Variants in AIF1L observed in about 807,000 individuals in gnomAD.
The protein encoded by AIF1L is allograft inflammatory factor 1-like.
AIF1L carries 12 observed loss-of-function variants against 20.7 expected under a neutral mutation model. That is an observed-to-expected ratio of 0.58 (90% CI 0.37 to 0.94). The LOEUF is 0.94. Ranked by LOEUF, AIF1L falls within the 40% of genes least tolerant of loss-of-function variation. The probability of loss-of-function intolerance (pLI) is 0.01; values close to 1 mark genes in which losing one functional copy is unlikely to be tolerated. For synonymous variants in AIF1L, 76 were observed against 65.1 expected, an observed-to-expected ratio of 1.17 and a Z score of -0.81; for missense variants, 173 against 185.3, an observed-to-expected ratio of 0.93 and a Z score of 0.39.
chr9:131,111,684 C>G, intron 3 of AIF1L, 21 bp downstream of exon 3: 1 of 1,611,632 alleles, frequency 6.2e-7, no homozygotes, highest in Non-Finnish European at 8.5e-7. Context: ...GCGGGCTGCC[C>G]TGCATTTATT....
At position 131,096,617 on chromosome 9, in the gene AIF1L, C is replaced by A; in HGVS notation, c.-13C>A. 1 of 1,484,420 alleles carries A rather than the reference C, an allele frequency of 6.7e-7. No homozygotes were observed. The allele number at this position is 1,484,420 out of a possible 1,614,324, so 92.0% of individuals were successfully genotyped here. The stretch of plus-strand genomic sequence containing the variant: ...CCGCGAAGCCTGGAGCCGGCGGGAG[C>A]CCCGCGCTCGCCATGTCGGGCGAGC... On this transcript the variant is annotated 5_prime_UTR_variant, in exon 1 of 6. Coordinates refer to ENST00000247291, the MANE Select transcript of AIF1L (RefSeq NM_031426.4).
At chr9:131,107,295 T>TCTTCATCC (rs1830775631) in intron 2 of AIF1L, among the ~76,000 whole-genome samples, 5 of 152,292 alleles carry the variant, frequency 3.3e-5, no homozygotes, top group African/African-American at 4.8e-5. Context: ...GCCTGGTTGG[T>TCTTCATCC]CTGTGTCTGT....
chr9:131,105,638 C>A (rs1178411026), intron 2 of AIF1L, among the ~76,000 whole-genome samples: 2 of 152,178 alleles, frequency 1.3e-5, no homozygotes, highest in Non-Finnish European at 2.9e-5. Context: ...AACCACCACA[C>A]TGGGCTGCAT....
chr9:131,101,359 T>G (rs543531488), intron 2 of AIF1L, among the ~76,000 whole-genome samples: 1 of 152,142 alleles, frequency 6.6e-6, no homozygotes, highest in South Asian at 2.1e-4. Flanking sequence ...TGACTCCTTT[T>G]TTTTTGAGAC....
rs33962374 is a variant in AIF1L at position 131,111,173 on chromosome 9, TAAAAAAAAA to T, written c.94-414_94-406del. The stretch of plus-strand genomic sequence containing the variant: ...CCTGGGGGACAAGAGCAAGACTTCT[TAAAAAAAAA>T]AAAAAAAAAGTGCACGGAGGAATGA... On this transcript the variant is annotated intron_variant, in intron 2 of 5. Coordinates refer to ENST00000247291, the MANE Select transcript of AIF1L (RefSeq NM_031426.4). 6.5e-5 allele frequency among the ~76,000 whole-genome samples: 9 copies of T among 138,028 alleles called. No homozygotes were observed. In the South Asian group the frequency reaches 2.1e-3, roughly 32 times the overall value. 90.6% of individuals were successfully genotyped at this position (138,028 alleles called of 152,430 possible). A position where few individuals can be genotyped will look rare whatever the true frequency, so the allele number is the denominator to read the frequency against.
At chr9:131,113,994 G>C (rs1588110969) in intron 3 of AIF1L, 1 of 156,978 alleles carries the variant, frequency 6.4e-6, no homozygotes, top group Non-Finnish European at 1.4e-5. Context: ...TGGACTCCTT[G>C]ATCAGGGAAG....
chr9:131,096,767 C>A (rs1830537560), intron 1 of AIF1L, 35 bp from the exon 2 acceptor site: 1 of 1,513,494 alleles, frequency 6.6e-7, no homozygotes. Context: ...CCGAAGAGGA[C>A]CCCGCTTCCC....
intron 3 of AIF1L, chr9:131,112,477 C>G (rs1441706572): frequency 6.6e-6 from 1 of 152,240 alleles, no homozygotes; most frequent in Admixed American, 6.5e-5. Flanking sequence ...TTAATAACAG[C>G]TGGCATTTGT....
rs749585358 is a variant in AIF1L at position 131,120,337 on chromosome 9, C to A, written c.*15C>A. ...GCCTGCCCTGAGGACCCCGCCTGGA[C>A]TCCCCAGCCTTCCCACCCCATACCT... On this transcript the variant is annotated 3_prime_UTR_variant, in exon 6 of 6. Coordinates refer to ENST00000247291, the MANE Select transcript of AIF1L (RefSeq NM_031426.4). 4 of 1,596,200 alleles carry A rather than the reference C, an allele frequency of 2.5e-6. No homozygotes were observed. The East Asian group carries it at 9.0e-5, about 36-fold the overall frequency.
chr9:131,114,416 T>C lies in AIF1L; in HGVS notation c.161-161T>C, dbSNP rs1830962141. The C allele has an allele frequency of 6.9e-6, 5 of 727,194 alleles. No individual in the cohort carries two copies. The South Asian group carries it at 7.9e-5, about 12-fold the overall frequency. The allele number at this position is 727,194 out of a possible 1,614,324, so 45.0% of individuals were successfully genotyped here. On this transcript the variant is annotated intron_variant, in intron 3 of 5. Coordinates refer to ENST00000247291, the MANE Select transcript of AIF1L (RefSeq NM_031426.4). ...GGATGAGCTCTTTCCCCAGAGGCCA[T>C]GGCTCAGCGGATGGGGGACTCAGGT...
At chr9:131,098,041 G>A (rs1830562371) in intron 2 of AIF1L, 1 of 152,628 alleles carries the variant, frequency 6.6e-6, no homozygotes, top group Non-Finnish European at 1.5e-5. Context: ...CCGCTGGTGA[G>A]GTCAGCAGAG....
rs1365160732 is a variant in AIF1L at position 131,096,658 on chromosome 9, A to G, written c.29A>G (p.Gln10Arg). 1.3e-6 allele frequency: 2 copies of G among 1,481,566 alleles called. No individual in the cohort carries two copies. The highest frequency in any genetic ancestry group is 8.9e-7 in the Non-Finnish European group (1 of 1,123,840). The allele number at this position is 1,481,566 out of a possible 1,614,324, so 91.8% of individuals were successfully genotyped here. A position where few individuals can be genotyped will look rare whatever the true frequency, so the allele number is the denominator to read the frequency against. Residue 10 changes from glutamine (Q) to arginine (R), a missense_variant and splice_region_variant, in exon 1 of 6, where the codon CAA becomes CGA. Physicochemically the swap from Gln to Arg is conservative, Grantham distance 43. Coordinates refer to ENST00000247291, the MANE Select transcript of AIF1L (RefSeq NM_031426.4). Reference protein sequence around the residue: MSGELSNRFQGGKAFGLLKA... With the variant: MSGELSNRFRGGKAFGLLKA... ...TCGGGCGAGCTCAGCAACAGGTTCC[A>G]AGGTAGGCGCCGCCGTCCCCGAGCA...
At chr9:131,100,923 C>T (rs1448926359) in intron 2 of AIF1L, among the ~76,000 whole-genome samples, 1 of 152,000 alleles carries the variant, frequency 6.6e-6, no homozygotes, top group Non-Finnish European at 1.5e-5. Flanking sequence ...TTTGAGACGG[C>T]GTCTCGCTCT....
At position 131,121,320 on chromosome 9, in the gene AIF1L, C is replaced by T; in HGVS notation, c.*998C>T. 3 of 566,682 alleles carry T rather than the reference C, an allele frequency of 5.3e-6. No individual in the cohort carries two copies. Among genetic ancestry groups the T allele is most frequent in the Non-Finnish European group, 9.6e-6 (3 of 313,454 alleles). 35.1% of individuals were successfully genotyped at this position (566,682 alleles called of 1,614,324 possible). A position where few individuals can be genotyped will look rare whatever the true frequency, so the allele number is the denominator to read the frequency against. ...ACTCATTCACCAGATATTTATTGAC[C>T]TGCTATTATAAGCTTTACATCCTCC... On this transcript the variant is annotated 3_prime_UTR_variant, in exon 6 of 6. Transcript: ENST00000247291.
rs375603868 is a variant in AIF1L at position 131,098,667 on chromosome 9, C to T, written c.93+1804C>T. Among the ~76,000 whole-genome samples, 17 of 152,222 alleles carry T rather than the reference C, an allele frequency of 1.1e-4. No individual in the cohort carries two copies. The East Asian group carries it at 2.7e-3, about 24-fold the overall frequency. Reference sequence around the variant, plus strand: ...CGGCTCCAGGGTTGTTTTGGGAAACCGACTAGCTTGGCTTAGAAAGAGGAG... The same window carrying T: ...CGGCTCCAGGGTTGTTTTGGGAAACTGACTAGCTTGGCTTAGAAAGAGGAG... On this transcript the variant is annotated intron_variant, in intron 2 of 5. Transcript: ENST00000247291.
chr9:131,112,008 T>A, intron 3 of AIF1L: 1 of 289,810 alleles, frequency 3.5e-6, no homozygotes, highest in Non-Finnish European at 6.6e-6. Context: ...CAGCTCTTTG[T>A]GAGCAAGCCT....
intron 4 of AIF1L, among the ~76,000 whole-genome samples, chr9:131,116,838 G>T (rs1831023809): frequency 6.6e-6 from 1 of 152,216 alleles, no homozygotes; most frequent in Non-Finnish European, 1.5e-5. Context: ...GGCAGTGCGT[G>T]TGCAGCCCTT....
chr9:131,118,989 T>TAA (rs1419128162), intron 5 of AIF1L, among the ~76,000 whole-genome samples: 2 of 152,218 alleles, frequency 1.3e-5, no homozygotes, highest in African/African-American at 4.8e-5. Flanking sequence ...CAAGTTACCT[T>TAA]AGGTCTGCGA....
intron 5 of AIF1L, among the ~76,000 whole-genome samples, chr9:131,118,178 C>T (rs1209834969): frequency 1.6e-4 from 25 of 152,094 alleles, no homozygotes; most frequent in African/African-American, 5.1e-4. Context: ...CTGCAACCTC[C>T]GCCTCCTGGG....
Sources: gnomAD v4.1 joint callset for allele counts (sites outside exome capture counted in the v4.1 genomes callset) on GRCh38, gnomAD v4.1.1 for gene constraint, MANE v1.5 for transcripts, NCBI Gene and HGNC (gene_info 2026-07-23, HGNC 2026-07-21) for gene names.